The following FRMD3 variants were observed in gnomAD, a reference collection of about 807,000 sequenced individuals.
The protein encoded by FRMD3 is FERM domain containing 3.
In FRMD3, 33 loss-of-function variants were observed where a neutral mutation model predicts 70.2. That is an observed-to-expected ratio of 0.47 (90% confidence interval 0.36 to 0.63). The LOEUF (loss-of-function observed/expected upper bound fraction) is 0.63, where lower values mean the gene tolerates loss of function less well. Ranked by LOEUF, FRMD3 falls within the 20% of genes least tolerant of loss-of-function variation. The pLI is 0.00. For missense variants in FRMD3, 632 were observed against 711.4 expected, an observed-to-expected ratio of 0.89 and a Z score of 1.27; for synonymous variants, 279 against 255.9, an observed-to-expected ratio of 1.09 and a Z score of -0.86.
chr9:83,508,472 T>C (rs1829256632), intron 1 of FRMD3, among the ~76,000 whole-genome samples: 1 of 152,244 alleles, frequency 6.6e-6, no homozygotes, highest in Non-Finnish European at 1.5e-5. Flanking sequence ...TTTTGACTAT[T>C]GTTAACAAAT....
rs79146579 is a variant in FRMD3 at position 83,300,375 on chromosome 9, C to T, written c.927-1189G>A. Among the ~76,000 whole-genome samples the T allele has an allele frequency of 2.7e-3, 418 of 152,296 alleles. 6 individuals carry two copies. In the East Asian group the frequency reaches 0.055, roughly 20 times the overall value. On this transcript the variant is annotated intron_variant, in intron 10 of 13. Transcript: ENST00000304195. The stretch of plus-strand genomic sequence containing the variant: ...ATATACCCAGCAGAGGGCCAGCAGG[C>T]GCAAAGCCATCAGCCTAAACATCTA...
In FRMD3 at chr9:83,392,932, G is replaced by A. The variant is rs917853352; in HGVS notation, c.148-3224C>T. On this transcript the variant is annotated intron_variant, in intron 1 of 13. Transcript: ENST00000304195. ...GATTGAGCAGAGAAAAAAAAATCAAGCAGCTAATTTAAATTCTTCAGAGCT... is the reference window on the plus strand; with the variant it reads ...GATTGAGCAGAGAAAAAAAAATCAAACAGCTAATTTAAATTCTTCAGAGCT... Among the ~76,000 whole-genome samples the A allele has an allele frequency of 1.1e-4, 16 of 152,302 alleles. 1 individual carries two copies. In the Middle Eastern group the frequency reaches 0.01, roughly 97 times the overall value.
intron 1 of FRMD3, among the ~76,000 whole-genome samples, chr9:83,412,780 A>G (rs991750895): frequency 2.6e-5 from 4 of 152,192 alleles, no homozygotes; most frequent in African/African-American, 9.6e-5. Flanking sequence ...GGATAACCTG[A>G]GGTCAGGAGT....
At chr9:83,461,201 A>G (rs372786226) in intron 1 of FRMD3, among the ~76,000 whole-genome samples, 33 of 152,362 alleles carry the variant, frequency 2.2e-4, no homozygotes, top group African/African-American at 7.2e-4. Context: ...TAGACGTGGA[A>G]GAAGGGAACA....
intron 2 of FRMD3, among the ~76,000 whole-genome samples, chr9:83,377,347 T>C (rs1241906356): frequency 4.0e-5 from 6 of 151,824 alleles, no homozygotes; most frequent in Non-Finnish European, 8.8e-5. Flanking sequence ...CATTTAGGAG[T>C]GTTAACCAAA....
chr9:83,395,400 G>C (rs1348561347), intron 1 of FRMD3, among the ~76,000 whole-genome samples: 2 of 151,898 alleles, frequency 1.3e-5, no homozygotes, highest in Admixed American at 6.6e-5. Context: ...TGTGTCATGG[G>C]GGTTTGTTGT....
chr9:83,321,103 T>C (rs924884094), intron 6 of FRMD3, among the ~76,000 whole-genome samples: 2 of 152,130 alleles, frequency 1.3e-5, no homozygotes, highest in African/African-American at 4.8e-5. Context: ...TAATGGTTTA[T>C]CAATTCTGTT....
chr9:83,291,777 A>C (rs1381528900), intron 12 of FRMD3, among the ~76,000 whole-genome samples: 4 of 152,192 alleles, frequency 2.6e-5, no homozygotes, highest in African/African-American at 9.7e-5. Flanking sequence ...GTTTGAAACT[A>C]AAGTGCACCA....
chr9:83,436,399 G>T (rs1827133321), intron 1 of FRMD3, among the ~76,000 whole-genome samples: 1 of 151,422 alleles, frequency 6.6e-6, no homozygotes, highest in Admixed American at 6.6e-5. Flanking sequence ...TACTAAATAA[G>T]AATCTAGTGT....
chr9:83,462,456 C>A (rs566569726), intron 1 of FRMD3, among the ~76,000 whole-genome samples: 1 of 152,144 alleles, frequency 6.6e-6, no homozygotes, highest in East Asian at 1.9e-4. Flanking sequence ...GTTCTGATAC[C>A]TTTAGGGTCC....
intron 1 of FRMD3, among the ~76,000 whole-genome samples, chr9:83,480,784 G>A (rs1375397193): frequency 2.0e-5 from 3 of 152,076 alleles, no homozygotes; most frequent in Non-Finnish European, 2.9e-5. Context: ...CATGAGCCAC[G>A]AGATGATTTA....
intron 1 of FRMD3, among the ~76,000 whole-genome samples, chr9:83,465,044 A>G (rs60254863): frequency 6.7e-6 from 1 of 149,042 alleles, no homozygotes; most frequent in African/African-American, 2.5e-5. Context: ...AAAAAAGAAG[A>G]AGAAGCAGCA....
rs1283307533 is a variant in FRMD3 at position 83,443,261 on chromosome 9, G to A, written c.148-53553C>T. On this transcript the variant is annotated intron_variant, in intron 1 of 13. Coordinates refer to ENST00000304195, the MANE Select transcript of FRMD3 (RefSeq NM_174938.6). The stretch of plus-strand genomic sequence containing the variant: ...ACCCATTAACTTGTCATTTACATTA[G>A]GTATTTCTCCTAATGCTATCCCTCC... 2.0e-5 allele frequency among the ~76,000 whole-genome samples: 3 copies of A among 152,232 alleles called. No homozygotes were observed. In the East Asian group the frequency reaches 5.8e-4, roughly 29 times the overall value.
chr9:83,286,929 T>C (rs181083110), intron 13 of FRMD3, among the ~76,000 whole-genome samples: 2 of 152,318 alleles, frequency 1.3e-5, no homozygotes, highest in Admixed American at 6.5e-5. Flanking sequence ...TGGGTCTCTA[T>C]AGTCTCATCT....
intron 13 of FRMD3, among the ~76,000 whole-genome samples, chr9:83,286,479 A>G (rs1005962964): frequency 5.9e-5 from 9 of 152,112 alleles, no homozygotes; most frequent in African/African-American, 2.2e-4. Context: ...TTACAGGCAT[A>G]TGCCACCACA....
chr9:83,458,020 A>C (rs889017193), intron 1 of FRMD3, among the ~76,000 whole-genome samples: 79 of 151,424 alleles, frequency 5.2e-4, no homozygotes, highest in Non-Finnish European at 7.2e-4. Flanking sequence ...AAAAAAAAAA[A>C]AACAGGAGCT....
At chr9:83,373,252 C>T (rs1040702940) in intron 2 of FRMD3, among the ~76,000 whole-genome samples, 1 of 152,134 alleles carries the variant, frequency 6.6e-6, no homozygotes, top group African/African-American at 2.4e-5. Flanking sequence ...CTAATTGACT[C>T]CTAGGTGATT....
intron 2 of FRMD3, among the ~76,000 whole-genome samples, chr9:83,382,930 C>A (rs1423974504): frequency 2.0e-5 from 3 of 152,156 alleles, no homozygotes; most frequent in African/African-American, 7.2e-5. Flanking sequence ...CATCCCAACT[C>A]AAAACGTTCA....
At position 83,494,863 on chromosome 9, in the gene FRMD3, G is replaced by GCA. The variant is rs930875265; in HGVS notation, c.147+43221_147+43222insTG. ...TGTGTGTGTGTGTGTGTGTGTGCGCGCGCGCATGTGCGTGTGTATATATAT... is the reference window on the plus strand; with the variant it reads ...TGTGTGTGTGTGTGTGTGTGTGCGCGCACGCGCATGTGCGTGTGTATATATAT... On this transcript the variant is annotated intron_variant, in intron 1 of 13. Coordinates refer to ENST00000304195, the MANE Select transcript of FRMD3 (RefSeq NM_174938.6). Among the ~76,000 whole-genome samples, 70 of 110,290 alleles carry GCA rather than the reference G, an allele frequency of 6.3e-4. No homozygotes were observed. In the East Asian group the frequency reaches 9.6e-3, roughly 15 times the overall value. The allele number at this position is 110,290 out of a possible 152,430, so 72.4% of individuals were successfully genotyped here.
Sources: gnomAD v4.1 joint callset for allele counts (sites outside exome capture counted in the v4.1 genomes callset) on GRCh38, gnomAD v4.1.1 for gene constraint, MANE v1.5 for transcripts, NCBI Gene and HGNC (gene_info 2026-07-23, HGNC 2026-07-21) for gene names.